SPATS2L: variants seen among roughly 807,000 people sequenced by gnomAD.
The protein encoded by SPATS2L is SPATS2-like protein.
SPATS2L carries 30 observed loss-of-function variants against 59.6 expected under a neutral mutation model. That is an observed-to-expected ratio of 0.50 (90% CI 0.38 to 0.68). The LOEUF is 0.68. SPATS2L is among the 30% of genes least tolerant of loss of function. The probability of loss-of-function intolerance (pLI) is 0.00; values close to 1 mark genes in which losing one functional copy is unlikely to be tolerated. For missense variants in SPATS2L, 615 were observed against 700.0 expected (o/e 0.88, Z 1.37); for synonymous variants, 252 against 263.5 (o/e 0.96, Z 0.42).
chr2:200,364,312 TAAG>T (rs968353592), intron 2 of SPATS2L, among the ~76,000 whole-genome samples: 9 of 152,142 alleles, frequency 5.9e-5, no homozygotes, highest in African/African-American at 2.2e-4. Context: ...TCCTGTTCGG[TAAG>T]AAGAATAGAA....
chr2:200,376,325 A>G (rs1210761511), intron 2 of SPATS2L, among the ~76,000 whole-genome samples: 1 of 152,244 alleles, frequency 6.6e-6, no homozygotes, highest in Non-Finnish European at 1.5e-5. Context: ...AAGATAGTAA[A>G]TATGACCCCC....
chr2:200,320,679 T>C (rs1225958251), intron 1 of SPATS2L, among the ~76,000 whole-genome samples: 1 of 152,228 alleles, frequency 6.6e-6, no homozygotes, highest in Non-Finnish European at 1.5e-5. Flanking sequence ...GTGTTTTCAC[T>C]AAGCTGAAAA....
intron 8 of SPATS2L, among the ~76,000 whole-genome samples, chr2:200,446,656 A>G (rs2085068448): frequency 2.0e-5 from 3 of 152,062 alleles, no homozygotes. Flanking sequence ...AGAGTGCCTC[A>G]TTTGTCCTGC....
At chr2:200,472,049 G>A (rs2087084902) in intron 11 of SPATS2L, among the ~76,000 whole-genome samples, 1 of 152,164 alleles carries the variant, frequency 6.6e-6, no homozygotes, top group African/African-American at 2.4e-5. Context: ...TCAAAACCAG[G>A]GGGAATGGTC....
Position 200,440,739 on chromosome 2 carries a change from G to C in SPATS2L, c.743G>C (p.Ser248Thr). The change falls in exon 8 of 13, where the codon AGT (serine) becomes ACT (threonine). Residue 248 changes from serine (S) to threonine (T), a missense_variant. Around this residue, in one of 3 missense-constraint regions of SPATS2L, gnomAD observed 104 missense variants for 162.5 expected, o/e 0.64. Transcript: ENST00000409140. Reference sequence around the variant, plus strand: ...GTCATGATTAAGGAAGAAGTGGATAGTTCCGTGAAGAAGATCAAAGCTGCC... The same window carrying C: ...GTCATGATTAAGGAAGAAGTGGATACTTCCGTGAAGAAGATCAAAGCTGCC... ...YRVMIKEEVD[S>T]SVKKIKAAFA... The C allele has an allele frequency of 1.2e-6, 2 of 1,613,706 alleles. No individual in the cohort carries two copies. Among genetic ancestry groups the C allele is most frequent in the Non-Finnish European group, 1.7e-6 (2 of 1,179,686 alleles).
chr2:200,382,908 G>T (rs1236151812), intron 2 of SPATS2L, among the ~76,000 whole-genome samples: 1 of 152,138 alleles, frequency 6.6e-6, no homozygotes, highest in Non-Finnish European at 1.5e-5. Flanking sequence ...TAGGAAACTG[G>T]CTTTCCCCTT....
chr2:200,350,925 G>A (rs1355940577), intron 2 of SPATS2L, among the ~76,000 whole-genome samples: 1 of 152,108 alleles, frequency 6.6e-6, no homozygotes, highest in Non-Finnish European at 1.5e-5. Flanking sequence ...CCTTTGGAAT[G>A]TTGAGGCTCT....
intron 1 of SPATS2L, among the ~76,000 whole-genome samples, chr2:200,325,472 G>A (rs1448964080): frequency 6.6e-6 from 1 of 152,120 alleles, no homozygotes; most frequent in Non-Finnish European, 1.5e-5. Flanking sequence ...TCTGCCTCCC[G>A]GGTTCAAGTA....
intron 1 of SPATS2L, among the ~76,000 whole-genome samples, chr2:200,313,596 T>C (rs2079264608): frequency 2.6e-5 from 4 of 152,204 alleles, no homozygotes; most frequent in African/African-American, 4.8e-5. Context: ...CATATAAACA[T>C]GCATAAGTCT....
At chr2:200,402,984 A>G (rs1380704506) in intron 3 of SPATS2L, among the ~76,000 whole-genome samples, 2 of 152,218 alleles carry the variant, frequency 1.3e-5, no homozygotes, top group African/African-American at 4.8e-5. Context: ...GAACTTACAT[A>G]TTGAAATTTA....
At chr2:200,362,207 C>T (rs1374736968) in intron 2 of SPATS2L, among the ~76,000 whole-genome samples, 1 of 152,160 alleles carries the variant, frequency 6.6e-6, no homozygotes, top group Non-Finnish European at 1.5e-5. Flanking sequence ...GTGATGGAGC[C>T]ACTGCACTGT....
At chr2:200,344,698 A>G (rs188621542) in intron 2 of SPATS2L, among the ~76,000 whole-genome samples, 1 of 152,226 alleles carries the variant, frequency 6.6e-6, no homozygotes, top group Non-Finnish European at 1.5e-5. Context: ...CAGTGTATAC[A>G]TGTTCTTTTT....
chr2:200,423,511 ACT>A (rs1418835220), intron 6 of SPATS2L, among the ~76,000 whole-genome samples: 5 of 151,962 alleles, frequency 3.3e-5, no homozygotes, highest in African/African-American at 1.2e-4. Context: ...ACCCTCTTGA[ACT>A]CTCTGTAGTT....
chr2:200,429,225 T>G (rs923031494), intron 6 of SPATS2L, among the ~76,000 whole-genome samples: 10 of 152,166 alleles, frequency 6.6e-5, no homozygotes, highest in African/African-American at 1.9e-4. Flanking sequence ...ATACTGGTTA[T>G]TTGAATAGGA....
chr2:200,477,329 A>G (rs1191304264), intron 12 of SPATS2L, among the ~76,000 whole-genome samples: 2 of 152,082 alleles, frequency 1.3e-5, no homozygotes, highest in Admixed American at 6.5e-5. Flanking sequence ...TTATTCTGCT[A>G]TAGTTTAAGC....
At chr2:200,475,307 C>G (rs1256598327) in intron 12 of SPATS2L, among the ~76,000 whole-genome samples, 1 of 152,164 alleles carries the variant, frequency 6.6e-6, no homozygotes, top group Non-Finnish European at 1.5e-5. Flanking sequence ...CGTGACACAG[C>G]CTCAGAAGGT....
chr2:200,403,274 C>T (rs572614839), intron 3 of SPATS2L, among the ~76,000 whole-genome samples: 2 of 152,304 alleles, frequency 1.3e-5, no homozygotes, highest in East Asian at 3.9e-4. Context: ...CATATTTTAA[C>T]AGGATATGCT....
In SPATS2L at chr2:200,384,698, TA is replaced by T. The variant is rs1383580065; in HGVS notation, c.-22-4521del. On this transcript the variant is annotated intron_variant, in intron 2 of 12. Coordinates refer to ENST00000409140, the MANE Select transcript of SPATS2L (RefSeq NM_001100423.2). Reference sequence around the variant, plus strand: ...AGAAAAGTATATATAGATGATGTATTAAAATGGTGAAAATCTTTCCTTTATG... The same window carrying T: ...AGAAAAGTATATATAGATGATGTATTAAATGGTGAAAATCTTTCCTTTATG... 2.0e-5 allele frequency among the ~76,000 whole-genome samples: 3 copies of T among 152,332 alleles called. No homozygotes were observed. The East Asian group carries it at 5.8e-4, about 29-fold the overall frequency.
At chr2:200,397,841 A>AC (rs537775149) in intron 3 of SPATS2L, among the ~76,000 whole-genome samples, 209 of 152,086 alleles carry the variant, frequency 1.4e-3, no homozygotes, top group African/African-American at 4.6e-3. Context: ...AGAAAAAAAA[A>AC]CCCACATATT....
Sources: gnomAD v4.1 joint callset for allele counts (sites outside exome capture counted in the v4.1 genomes callset) on GRCh38, gnomAD v4.1.1 for gene constraint, gnomAD v4.1.1 regional missense constraint, MANE v1.5 for transcripts, NCBI Gene and HGNC (gene_info 2026-07-23, HGNC 2026-07-21) for gene names.